The following RRAGB variants were observed in gnomAD, a reference collection of about 807,000 sequenced individuals.
RRAGB encodes ras-related GTP-binding protein B.
In RRAGB, 6 loss-of-function variants were observed where a neutral mutation model predicts 29.3. The observed-to-expected ratio is 0.21, with a 90% confidence interval of 0.11 to 0.40. RRAGB has a LOEUF of 0.40. Ranked by LOEUF, RRAGB falls within the 10% of genes least tolerant of loss-of-function variation. RRAGB has a pLI of 1.00. For missense variants in RRAGB, 184 were observed against 272.9 expected, an observed-to-expected ratio of 0.67 and a Z score of 2.29; for synonymous variants, 101 against 92.5, an observed-to-expected ratio of 1.09 and a Z score of -0.53.
intron 5 of RRAGB, among the ~76,000 whole-genome samples, chrX:55,734,587 AT>A (rs2033807629): frequency 9.0e-6 from 1 of 111,015 alleles, no homozygotes; most frequent in African/African-American, 3.3e-5. Flanking sequence ...TTCATTGACC[AT>A]TGTATTTTTT....
At chrX:55,730,704 C>T (rs1195188045) in intron 4 of RRAGB, among the ~76,000 whole-genome samples, 2 of 111,475 alleles carry the variant, frequency 1.8e-5, no homozygotes, top group Non-Finnish European at 3.8e-5. Flanking sequence ...TCATTGAGTA[C>T]TTAACACTCC....
In RRAGB at chrX:55,758,339, G is replaced by A. The variant is rs761824997; in HGVS notation, c.1037G>A (p.Arg346His). ...GGACCAAAGCAGTGTCTTCTCATGC[G>A]CTAAACATTGATGAATATTGTTTCA... Reference protein sequence around the residue: ...VDGPKQCLLMR With the variant: ...VDGPKQCLLMH The change falls in exon 10 of 10, where the codon CGC becomes CAC. Residue 346 changes from arginine (R) to histidine (H), a missense_variant. Coordinates refer to ENST00000374941, the MANE Select transcript of RRAGB (RefSeq NM_006064.5). 32 of 1,160,779 alleles carry A rather than the reference G, an allele frequency of 2.8e-5. No individual in the cohort carries two copies. Among genetic ancestry groups the A allele is most frequent in the South Asian group, 2.6e-4 (14 of 52,973 alleles).
At chrX:55,741,489 A>G (rs1454919700) in intron 5 of RRAGB, among the ~76,000 whole-genome samples, 2 of 112,397 alleles carry the variant, frequency 1.8e-5, no homozygotes, top group Admixed American at 1.9e-4. Context: ...ATGGACATTA[A>G]AATGATGTCT....
intron 5 of RRAGB, among the ~76,000 whole-genome samples, chrX:55,740,631 C>T (rs2034032705): frequency 9.0e-6 from 1 of 111,531 alleles, no homozygotes; most frequent in South Asian, 3.8e-4. Context: ...AACTTCATAG[C>T]CCAATTTCTT....
intron 5 of RRAGB, among the ~76,000 whole-genome samples, chrX:55,744,974 T>C (rs2034199965): frequency 8.9e-6 from 1 of 111,831 alleles, no homozygotes; most frequent in African/African-American, 3.3e-5. Context: ...GATGTTGTGC[T>C]TCTTTCTGGG....
intron 5 of RRAGB, among the ~76,000 whole-genome samples, chrX:55,748,103 C>G (rs1007573474): frequency 7.1e-5 from 8 of 112,782 alleles, no homozygotes; most frequent in Non-Finnish European, 1.3e-4. Flanking sequence ...CTCCTAACCC[C>G]GAGTGATCCG....
rs145474201 is a variant in RRAGB at position 55,742,979 on chromosome X, G to A, written c.517-8122G>A. Among the ~76,000 whole-genome samples, 18 of 111,547 alleles carry A rather than the reference G, an allele frequency of 1.6e-4. No individual in the cohort carries two copies. The East Asian group carries it at 4.8e-3, about 30-fold the overall frequency. ...TTCTACCTCCTTGTGGGAGGGTAAG[G>A]CAAGAGGGTTGCCTAGCCTCGTTGA... On this transcript the variant is annotated intron_variant, in intron 5 of 9. Coordinates refer to ENST00000374941, the MANE Select transcript of RRAGB (RefSeq NM_006064.5).
At chrX:55,758,207 A>G (rs1034966430) in intron 9 of RRAGB, 39 bp from the exon 10 acceptor site, 3 of 986,886 alleles carry the variant, frequency 3.0e-6, no homozygotes, top group Admixed American at 2.4e-5. Context: ...TTGGCTGCCC[A>G]TACTTAATTC....
intron 5 of RRAGB, among the ~76,000 whole-genome samples, chrX:55,736,014 A>G (rs1440077852): frequency 1.8e-5 from 2 of 112,283 alleles, no homozygotes; most frequent in Admixed American, 9.4e-5. Flanking sequence ...AAGTTATCCA[A>G]TGCTTTTGTC....
At chrX:55,753,231 T>C (rs2034569547) in intron 6 of RRAGB, among the ~76,000 whole-genome samples, 161 bp from the exon 7 acceptor site, 1 of 112,856 alleles carries the variant, frequency 8.9e-6, no homozygotes, top group Non-Finnish European at 1.9e-5. Context: ...AGCTTCATTT[T>C]CTCATTTCAT....
chrX:55,718,473 A>G, intron 1 of RRAGB, 54 bp downstream of exon 1: 1 of 805,119 alleles, frequency 1.2e-6, no homozygotes, highest in Non-Finnish European at 1.8e-6. Flanking sequence ...AATTGAAGAG[A>G]GTATTGTGAA....
At position 55,757,331 on chromosome X, in the gene RRAGB, C is replaced by G; in HGVS notation, c.943C>G (p.Pro315Ala). ...GGTTGTGATGTCTGATCCGTCCATTCGTAAGTTTAAACTTAGCTGACCTAG... is the reference window on the plus strand; with the variant it reads ...GGTTGTGATGTCTGATCCGTCCATTGGTAAGTTTAAACTTAGCTGACCTAG... ...VMVVMSDPSI[P>A]SAATLINIRN... Residue 315 changes from proline (P) to alanine (A), a missense_variant and splice_region_variant, in exon 9 of 10, where the codon CCT (proline) becomes GCT (alanine). Physicochemically the swap from Pro to Ala is conservative, Grantham distance 27 (BLOSUM62 -1). Transcript: ENST00000374941. 9.0e-7 allele frequency: 1 copy of G among 1,115,021 alleles called. No individual in the cohort carries two copies. Among genetic ancestry groups the G allele is most frequent in the Non-Finnish European group, 1.2e-6 (1 of 817,046 alleles). 91.9% of individuals were successfully genotyped at this position (1,115,021 alleles called of 1,213,427 possible).
In RRAGB at chrX:55,731,450, T is replaced by C; in HGVS notation, c.380T>C (p.Val127Ala). Residue 127 changes from valine (V) to alanine (A), a missense_variant, in exon 5 of 10, where the codon GTG becomes GCG. By Grantham distance (64) the Val-to-Ala change is moderately conservative. Transcript: ENST00000374941. ...NVEVLIYVFDVESRELEKDMH... is the reference protein window; with the variant it reads ...NVEVLIYVFDAESRELEKDMH... ...GAGGTTCTGATTTATGTCTTTGATG[T>C]GGAGAGCCGCGAACTGGAAAAGGAC... is the stretch of plus-strand genomic sequence containing the variant. The C allele has an allele frequency of 3.3e-6, 4 of 1,209,568 alleles. No homozygotes were observed. Among genetic ancestry groups the C allele is most frequent in the Non-Finnish European group, 4.5e-6 (4 of 893,747 alleles).
Position 55,753,596 on chromosome X carries a change from T to A in RRAGB, c.735+82T>A, listed in dbSNP as rs1320191245. ...AACAGAGAACAGCATGTCACTACTT[T>A]CAGGAAGAACCTTTTTCCCTCTTGT... On this transcript the variant is annotated intron_variant, in intron 7 of 9. Transcript: ENST00000374941. 2.6e-5 allele frequency: 25 copies of A among 948,652 alleles called. No homozygotes were observed. The South Asian group carries it at 6.0e-4, about 23-fold the overall frequency. The allele number at this position is 948,652 out of a possible 1,213,427, so 78.2% of individuals were successfully genotyped here.
intron 4 of RRAGB, among the ~76,000 whole-genome samples, chrX:55,729,929 A>G (rs2033618455): frequency 1.8e-5 from 2 of 112,276 alleles, no homozygotes; most frequent in Admixed American, 1.9e-4. Context: ...TGCACTGCAC[A>G]GTGGATAGGA....
At chrX:55,735,548 T>C (rs1395554863) in intron 5 of RRAGB, among the ~76,000 whole-genome samples, 1 of 112,098 alleles carries the variant, frequency 8.9e-6, no homozygotes, top group Non-Finnish European at 1.9e-5. Context: ...GATATTTGGT[T>C]TGTGTTTTTT....
chrX:55,756,064 T>G, intron 8 of RRAGB, 132 bp downstream of exon 8: 1 of 448,145 alleles, frequency 2.2e-6, no homozygotes, highest in Non-Finnish European at 3.8e-6. Flanking sequence ...CAAAGCTAAA[T>G]TCTAAGGGGC....
At chrX:55,734,267 T>A (rs770452895) in intron 5 of RRAGB, among the ~76,000 whole-genome samples, 228 of 105,766 alleles carry the variant, frequency 2.2e-3, no homozygotes, top group African/African-American at 7.5e-3. Context: ...CCGGCTGGGT[T>A]TTTTTTTTTT....
In RRAGB at chrX:55,718,564, G is replaced by T. The variant is rs764463106; in HGVS notation, c.92+145G>T. 5.0e-4 allele frequency: 208 copies of T among 417,487 alleles called. No individual in the cohort carries two copies. In the African/African-American group the frequency reaches 5.0e-3, roughly 10 times the overall value. The allele number at this position is 417,487 out of a possible 1,213,427, so 34.4% of individuals were successfully genotyped here. ...TGTTGATTGGGATTATGCTTTGGAC[G>T]ACAGGATAAACTGGAAAGCGAATTG... On this transcript the variant is annotated intron_variant, in intron 1 of 9. Transcript: ENST00000374941.
Sources: allele counts gnomAD v4.1 joint callset (sites outside exome capture counted in the v4.1 genomes callset), GRCh38; gene constraint gnomAD v4.1.1; transcripts MANE v1.5; gene names NCBI Gene and HGNC (gene_info 2026-07-23, HGNC 2026-07-21).